Variants in CACNB2 observed in about 807,000 individuals in gnomAD.
CACNB2 encodes calcium voltage-gated channel auxiliary subunit beta 2, also known as voltage-dependent L-type calcium channel subunit beta-2.
Under a neutral mutation model 73.3 loss-of-function variants are expected in CACNB2, and 42 were observed. That is an observed-to-expected ratio of 0.57 (90% confidence interval 0.45 to 0.74). CACNB2 has a LOEUF of 0.74. Ranked by LOEUF, CACNB2 falls within the 30% of genes least tolerant of loss-of-function variation. The probability of loss-of-function intolerance (pLI) is 0.00; values close to 1 mark genes in which losing one functional copy is unlikely to be tolerated. For missense variants in CACNB2, 940 were observed against 853.0 expected, an observed-to-expected ratio of 1.10 and a Z score of -1.27; for synonymous variants, 348 against 310.3, an observed-to-expected ratio of 1.12 and a Z score of -1.28.
intron 3 of CACNB2, among the ~76,000 whole-genome samples, chr10:18,461,145 C>G (rs1400978091): frequency 2.0e-5 from 3 of 152,016 alleles, no homozygotes; most frequent in Non-Finnish European, 4.4e-5. Context: ...ATCACCCATC[C>G]TTACCTGATC....
intron 1 of CACNB2, 47 bp downstream of exon 1, chr10:18,140,903 A>C: frequency 6.4e-7 from 1 of 1,560,532 alleles, no homozygotes; most frequent in Admixed American, 1.9e-5. Flanking sequence ...GCCGCCGGGC[A>C]GGGCACCGAC....
intron 5 of CACNB2, among the ~76,000 whole-genome samples, chr10:18,505,047 T>A (rs1427542696): frequency 6.6e-6 from 1 of 152,164 alleles, no homozygotes; most frequent in Non-Finnish European, 1.5e-5. Flanking sequence ...CAGAACTCAA[T>A]GGAAATGGAA....
chr10:18,400,657 T>C (rs953193867), intron 2 of CACNB2: 37 of 937,328 alleles, frequency 3.9e-5, no homozygotes, highest in South Asian at 4.5e-5. Flanking sequence ...TTTTTTTTTT[T>C]CTGCGATTCT....
chr10:18,217,518 A>G (rs182636443), intron 2 of CACNB2, among the ~76,000 whole-genome samples: 1 of 152,076 alleles, frequency 6.6e-6, no homozygotes, highest in African/African-American at 2.4e-5. Flanking sequence ...AAACAAGTCA[A>G]TTGTTTAGTA....
chr10:18,481,192 CTATATATATATATATATATATATA>C (rs145814788), intron 3 of CACNB2, among the ~76,000 whole-genome samples: 3,268 of 36,676 alleles, frequency 0.089, 183 homozygotes, highest in Middle Eastern at 0.1. Context: ...TACATCTTCG[CTATATATATATATATATATATATA>C]TATATATATA....
intron 3 of CACNB2, among the ~76,000 whole-genome samples, chr10:18,404,548 A>G (rs1386591800): frequency 6.6e-6 from 1 of 152,226 alleles, no homozygotes; most frequent in African/African-American, 2.4e-5. Flanking sequence ...GACATTTTCT[A>G]CATTTACTTC....
chr10:18,522,557 G>GT (rs1304456598), intron 9 of CACNB2, among the ~76,000 whole-genome samples: 1 of 152,124 alleles, frequency 6.6e-6, no homozygotes. Context: ...AGGAAGGAAA[G>GT]TTTTATAGGA....
intron 3 of CACNB2, among the ~76,000 whole-genome samples, chr10:18,417,399 A>G (rs1479398648): frequency 9.5e-6 from 1 of 105,264 alleles, no homozygotes; most frequent in South Asian, 3.0e-4. Flanking sequence ...ACGAAGTTTC[A>G]CTGTTGTTGC....
At chr10:18,165,668 A>G (rs946993873) in intron 2 of CACNB2, among the ~76,000 whole-genome samples, 2 of 152,174 alleles carry the variant, frequency 1.3e-5, no homozygotes, top group African/African-American at 4.8e-5. Flanking sequence ...TCTCAAGACC[A>G]CTATTATGCC....
chr10:18,402,060 C>T lies in CACNB2; in HGVS notation c.333+17C>T. Reference sequence around the variant, plus strand: ...AAAGCAAAGGTAAAATCGTTTCCTCCCTGCCAAGATCTTTGCAAGTTGTGC... The same window carrying T: ...AAAGCAAAGGTAAAATCGTTTCCTCTCTGCCAAGATCTTTGCAAGTTGTGC... On this transcript the variant is annotated intron_variant, in intron 3 of 13. Coordinates refer to ENST00000324631, the MANE Select transcript of CACNB2 (RefSeq NM_201596.3). 6.2e-7 allele frequency: 1 copy of T among 1,612,476 alleles called. No individual in the cohort carries two copies. Among genetic ancestry groups the T allele is most frequent in the East Asian group, 2.2e-5 (1 of 44,868 alleles).
At chr10:18,181,968 AG>A (rs2131216451) in intron 2 of CACNB2, 1 of 152,276 alleles carries the variant, frequency 6.6e-6, no homozygotes, top group South Asian at 2.1e-4. Flanking sequence ...CAGAAAAATT[AG>A]TGACCCTGTG....
intron 1 of CACNB2, among the ~76,000 whole-genome samples, chr10:18,142,361 C>T: frequency 6.6e-6 from 1 of 152,210 alleles, no homozygotes. Context: ...TGTAATGAAC[C>T]AGCTACATTC....
intron 7 of CACNB2, chr10:18,515,000 C>T: frequency 2.5e-6 from 4 of 1,613,620 alleles, no homozygotes; most frequent in Non-Finnish European, 3.4e-6. Flanking sequence ...TGCAGATGAA[C>T]AAGACCAGTG....
chr10:18,340,610 TGCAG>T (rs757539826), intron 2 of CACNB2: 55 of 1,098,584 alleles, frequency 5.0e-5, no homozygotes, highest in Non-Finnish European at 6.3e-5. Flanking sequence ...TTGACAAGTT[TGCAG>T]GCGTCTGTCT....
chr10:18,168,661 T>C (rs1588604387), intron 2 of CACNB2, among the ~76,000 whole-genome samples: 1 of 152,210 alleles, frequency 6.6e-6, no homozygotes, highest in East Asian at 1.9e-4. Flanking sequence ...TTTCCACATT[T>C]TACTGAAACA....
chr10:18,532,739 C>A (rs1024106185), intron 10 of CACNB2, among the ~76,000 whole-genome samples: 3 of 147,220 alleles, frequency 2.0e-5, no homozygotes, highest in African/African-American at 7.5e-5. Context: ...AAAAAACCCA[C>A]ATATTAAACT....
At chr10:18,507,273 G>A (rs1188172924) in intron 6 of CACNB2, among the ~76,000 whole-genome samples, 1 of 152,184 alleles carries the variant, frequency 6.6e-6, no homozygotes, top group Non-Finnish European at 1.5e-5. Flanking sequence ...GGATTGGCCT[G>A]TTGTGGGCTC....
chr10:18,398,666 GTC>G (rs2043830448), intron 2 of CACNB2, among the ~76,000 whole-genome samples: 1 of 134,392 alleles, frequency 7.4e-6, no homozygotes, highest in Non-Finnish European at 1.6e-5. Flanking sequence ...CAGTGAGACT[GTC>G]ACACACACAC....
chr10:18,208,723 GA>G (rs2035198953), intron 2 of CACNB2, among the ~76,000 whole-genome samples: 1 of 143,282 alleles, frequency 7.0e-6, no homozygotes, highest in Non-Finnish European at 1.6e-5. Context: ...AGCCCAGCCT[GA>G]AAAAGGACTG....
Sources: gnomAD v4.1 joint callset for allele counts (sites outside exome capture counted in the v4.1 genomes callset) on GRCh38, gnomAD v4.1.1 for gene constraint, MANE v1.5 for transcripts, NCBI Gene and HGNC (gene_info 2026-07-23, HGNC 2026-07-21) for gene names.